The following POU6F2 variants were observed in gnomAD, a reference collection of about 807,000 sequenced individuals.
POU6F2 encodes POU class 6 homeobox 2.
Under a neutral mutation model 71.3 loss-of-function variants are expected in POU6F2, and 31 were observed. The ratio of observed to expected loss-of-function variants is 0.43; its 90% CI spans 0.33 to 0.59. The LOEUF is 0.59. Ranked by LOEUF, POU6F2 falls within the 20% of genes least tolerant of loss-of-function variation. The probability of loss-of-function intolerance (pLI) is 0.04; values close to 1 mark genes in which losing one functional copy is unlikely to be tolerated. For missense variants in POU6F2, 783 were observed against 856.8 expected, an observed-to-expected ratio of 0.91 and a Z score of 1.07; for synonymous variants, 347 against 355.7, an observed-to-expected ratio of 0.98 and a Z score of 0.27.
In POU6F2 at chr7:39,346,257, G is replaced by A. The variant is rs565487406; in HGVS notation, c.972+6242G>A. Among the ~76,000 whole-genome samples, 27 of 152,276 alleles carry A rather than the reference G, an allele frequency of 1.8e-4. 2 individuals carry two copies. The highest frequency in any genetic ancestry group is 4.6e-4 in the Admixed American group (7 of 15,292). On this transcript the variant is annotated intron_variant, in intron 5 of 9. Transcript: ENST00000518318. Reference sequence around the variant, plus strand: ...TCATATACTGTAGTGCTTCTTTGTCGTTGTCTAGATTTACCATTCCTGGGT... The same window carrying A: ...TCATATACTGTAGTGCTTCTTTGTCATTGTCTAGATTTACCATTCCTGGGT...
chr7:39,176,518 G>A (rs989668935), intron 2 of POU6F2, among the ~76,000 whole-genome samples: 1 of 152,134 alleles, frequency 6.6e-6, no homozygotes, highest in Admixed American at 6.5e-5. Flanking sequence ...TTGGACCAAT[G>A]AGGCAACACT....
At chr7:39,398,307 G>A (rs1787220963) in intron 5 of POU6F2, among the ~76,000 whole-genome samples, 2 of 151,152 alleles carry the variant, frequency 1.3e-5, no homozygotes, top group Admixed American at 6.6e-5. Context: ...ACTCTAATAA[G>A]TTGTGAAATA....
At chr7:39,397,044 G>C (rs961894921) in intron 5 of POU6F2, among the ~76,000 whole-genome samples, 8 of 151,650 alleles carry the variant, frequency 5.3e-5, no homozygotes, top group African/African-American at 1.9e-4. Flanking sequence ...GCAATTTCTT[G>C]GTCCAAAATG....
chr7:39,247,875 G>A (rs562152916), intron 4 of POU6F2, among the ~76,000 whole-genome samples: 7 of 152,268 alleles, frequency 4.6e-5, no homozygotes, highest in South Asian at 4.1e-4. Context: ...GGAAGTTTCC[G>A]CGGTTTTCTT....
chr7:39,424,511 G>A (rs765791409), intron 6 of POU6F2, among the ~76,000 whole-genome samples: 7 of 151,976 alleles, frequency 4.6e-5, no homozygotes, highest in South Asian at 2.1e-4. Flanking sequence ...CACCTACACC[G>A]TGTTCAAAAA....
chr7:39,375,555 GCT>G (rs376317073), intron 5 of POU6F2, among the ~76,000 whole-genome samples: 1,764 of 151,770 alleles, frequency 0.012, 46 homozygotes, highest in African/African-American at 0.037. Context: ...CTGGCTTACT[GCT>G]CACCACTCAC....
chr7:39,005,065 C>T (rs1484291473), intron 1 of POU6F2: 2 of 152,282 alleles, frequency 1.3e-5, no homozygotes, highest in Non-Finnish European at 2.9e-5. Flanking sequence ...TCACTCACCT[C>T]ATCTTCATAA....
chr7:39,297,089 A>G (rs1056140844), intron 4 of POU6F2, among the ~76,000 whole-genome samples: 2 of 152,248 alleles, frequency 1.3e-5, no homozygotes, highest in Non-Finnish European at 2.9e-5. Flanking sequence ...AATTAAGAAG[A>G]GTTGATGATT....
intron 6 of POU6F2, among the ~76,000 whole-genome samples, chr7:39,409,361 G>A (rs1053687832): frequency 1.3e-5 from 2 of 152,148 alleles, no homozygotes; most frequent in African/African-American, 4.8e-5. Context: ...GGGGTGAGAT[G>A]GGGGTTCTCT....
chr7:39,229,879 TCA>T (rs1409278122), intron 4 of POU6F2, among the ~76,000 whole-genome samples: 1 of 152,206 alleles, frequency 6.6e-6, no homozygotes, highest in Admixed American at 6.5e-5. Context: ...GTGTGTGGAC[TCA>T]CATGCAGCTC....
intron 2 of POU6F2, chr7:39,120,714 A>G (rs183710260): frequency 1.1e-3 from 163 of 152,346 alleles, no homozygotes; most frequent in Middle Eastern, 3.4e-3. Context: ...ATAAAATACA[A>G]TATTTCAGAA....
At chr7:39,024,435 A>G (rs1789752174) in intron 1 of POU6F2, among the ~76,000 whole-genome samples, 1 of 152,014 alleles carries the variant, frequency 6.6e-6, no homozygotes, top group Non-Finnish European at 1.5e-5. Context: ...TAGATATACA[A>G]TCATGTCGTC....
At chr7:39,149,627 C>A (rs1260745282) in intron 2 of POU6F2, among the ~76,000 whole-genome samples, 1 of 152,116 alleles carries the variant, frequency 6.6e-6, no homozygotes, top group African/African-American at 2.4e-5. Context: ...CTTGTTCATC[C>A]TACTTATTTG....
chr7:39,253,977 AG>A, intron 4 of POU6F2, among the ~76,000 whole-genome samples: 1 of 152,318 alleles, frequency 6.6e-6, no homozygotes, highest in South Asian at 2.1e-4. Flanking sequence ...CCCATTTGAA[AG>A]TCAGGACACT....
At chr7:39,238,692 T>C (rs958321829) in intron 4 of POU6F2, among the ~76,000 whole-genome samples, 1 of 152,168 alleles carries the variant, frequency 6.6e-6, no homozygotes, top group Non-Finnish European at 1.5e-5. Context: ...ATTGTGACCA[T>C]GCCCTGTTTG....
intron 2 of POU6F2, among the ~76,000 whole-genome samples, chr7:39,168,096 C>T (rs1268291972): frequency 6.6e-6 from 1 of 152,062 alleles, no homozygotes; most frequent in Non-Finnish European, 1.5e-5. Context: ...AACATATCTA[C>T]AATGGTAATA....
rs932097918 is a variant in POU6F2, at chr7:39,254,189, A to G, written c.598+46569A>G. 9.4e-4 allele frequency among the ~76,000 whole-genome samples: 143 copies of G among 152,194 alleles called. 1 individual carries two copies. The highest frequency in any genetic ancestry group is 2.9e-4 in the Non-Finnish European group (20 of 68,030). ...TTCTTGCATATAAAAAGGCTCACAA[A>G]TATTTGCAGAAAAGCTGGAAGACTG... On this transcript the variant is annotated intron_variant, in intron 4 of 9. Coordinates refer to ENST00000518318, the MANE Select transcript of POU6F2 (RefSeq NM_001370959.1).
intron 1 of POU6F2, among the ~76,000 whole-genome samples, chr7:39,079,180 C>CTT (rs1162865518): frequency 0.12 from 9,464 of 79,234 alleles, 991 homozygotes; most frequent in Middle Eastern, 0.18. Context: ...CTCACAATAT[C>CTT]TTTTTTTTTT....
At chr7:39,162,312 A>T (rs1035526223) in intron 2 of POU6F2, among the ~76,000 whole-genome samples, 11 of 152,266 alleles carry the variant, frequency 7.2e-5, no homozygotes, top group African/African-American at 2.4e-4. Context: ...ATTTCTAACA[A>T]CAGATGCTCT....
Sources: allele counts gnomAD v4.1 joint callset (sites outside exome capture counted in the v4.1 genomes callset), GRCh38; gene constraint gnomAD v4.1.1; transcripts MANE v1.5; gene names NCBI Gene and HGNC (gene_info 2026-07-23, HGNC 2026-07-21).